Variants in GAB3 observed in about 807,000 individuals in gnomAD.
GAB3 encodes the protein GRB2-associated-binding protein 3.
Under a neutral mutation model 40.4 loss-of-function variants are expected in GAB3, and 12 were observed. The observed-to-expected ratio is 0.30, with a 90% CI of 0.19 to 0.48. The LOEUF (loss-of-function observed/expected upper bound fraction) is 0.48. GAB3 is among the 20% of genes least tolerant of loss of function. The pLI, the probability that GAB3 is intolerant of heterozygous loss-of-function variation, is 0.99. For missense variants in GAB3, 381 were observed against 461.9 expected (o/e 0.82, Z 1.61); for synonymous variants, 154 against 176.7 (o/e 0.87, Z 1.02).
At chrX:154,708,586 A>G (rs1385326705) in intron 4 of GAB3, among the ~76,000 whole-genome samples, 1 of 112,414 alleles carries the variant, frequency 8.9e-6, no homozygotes, top group Non-Finnish European at 1.9e-5. Context: ...ACATTTCTCA[A>G]ATGGCCAACA....
chrX:154,697,454 G>A (rs1346954657), intron 6 of GAB3, among the ~76,000 whole-genome samples: 2 of 111,976 alleles, frequency 1.8e-5, no homozygotes, highest in African/African-American at 6.5e-5. Context: ...AGAAGTCTCT[G>A]TATATCACGC....
intron 4 of GAB3, among the ~76,000 whole-genome samples, chrX:154,702,266 T>C (rs2070749114): frequency 8.9e-6 from 1 of 111,896 alleles, no homozygotes; most frequent in Non-Finnish European, 1.9e-5. Context: ...GGGAAAAAGA[T>C]AGGCACATAA....
At chrX:154,679,472 G>A (rs5945109) in intron 9 of GAB3, 101,344 of 193,795 alleles carry the variant, frequency 0.52, 22,390 homozygotes, top group East Asian at 0.79. Flanking sequence ...CTCATATCAG[G>A]TTTTTGGAAC....
intron 8 of GAB3, among the ~76,000 whole-genome samples, chrX:154,693,104 C>T: frequency 9.0e-6 from 1 of 111,039 alleles, no homozygotes; most frequent in Non-Finnish European, 1.9e-5. Flanking sequence ...TGTGGTCAGC[C>T]TTAAAAAGAA....
At chrX:154,744,633 G>A (rs1342228419) in intron 1 of GAB3, among the ~76,000 whole-genome samples, 2 of 112,221 alleles carry the variant, frequency 1.8e-5, no homozygotes, top group Admixed American at 9.4e-5. Flanking sequence ...GAGAGTAAAA[G>A]TGAACAGAAA....
rs1435723840 is a variant in GAB3, at chrX:154,699,183, C to A, written c.1345+111G>T. ...CACTTCTTTCCTGACCTTACACTTT[C>A]CGGCCCTCTGGGGTGGTTTCTCTAG... On this transcript the variant is annotated intron_variant, in intron 6 of 9. Coordinates refer to ENST00000424127, the MANE Select transcript of GAB3 (RefSeq NM_001081573.3). 6.6e-6 allele frequency: 4 copies of A among 604,225 alleles called. No homozygotes were observed. The East Asian group carries it at 1.3e-4, about 20-fold the overall frequency. The allele number at this position is 604,225 out of a possible 1,213,427, so 49.8% of individuals were successfully genotyped here. A position where few individuals can be genotyped will look rare whatever the true frequency, so the allele number is the denominator to read the frequency against.
chrX:154,728,364 G>A (rs1557259580), intron 1 of GAB3, among the ~76,000 whole-genome samples: 1 of 112,492 alleles, frequency 8.9e-6, no homozygotes, highest in African/African-American at 3.2e-5. Flanking sequence ...CCATGGACGT[G>A]CTTCATACTG....
Position 154,716,292 on chromosome X carries a change from C to A in GAB3, c.110G>T (p.Arg37Leu). The A allele has an allele frequency of 8.3e-7, 1 of 1,211,809 alleles. No individual in the cohort carries two copies. The highest frequency in any genetic ancestry group is 1.1e-6 in the Non-Finnish European group (1 of 895,262). ...CAAGACATCGGGGTTGCCGCTCATG[C>A]GGCCTCGCCGGAGGACAAACCAGCG... Reference protein sequence around the residue: ...RKRWFVLRRGRMSGNPDVLEY... With the variant: ...RKRWFVLRRGLMSGNPDVLEY... The change falls in exon 2 of 10, where the codon CGC (arginine) becomes CTC (leucine). Residue 37 changes from arginine (R) to leucine (L), a missense_variant. Physicochemically the swap from Arg to Leu is moderately radical, Grantham distance 102. Around this residue, in one of 2 missense-constraint regions of GAB3, gnomAD observed 364 missense variants for 421.0 expected, o/e 0.86. Transcript: ENST00000424127.
chrX:154,685,487 A>G (rs2070435207), intron 8 of GAB3, among the ~76,000 whole-genome samples: 1 of 111,793 alleles, frequency 8.9e-6, no homozygotes, highest in Admixed American at 9.5e-5. Flanking sequence ...CACCTCCAGT[A>G]ATGTTGAATA....
At chrX:154,691,648 CT>C (rs1557249446) in intron 8 of GAB3, among the ~76,000 whole-genome samples, 1 of 111,177 alleles carries the variant, frequency 9.0e-6, no homozygotes, top group Non-Finnish European at 1.9e-5. Flanking sequence ...TTCCAATGGT[CT>C]TTTTTTGCAG....
At chrX:154,712,837 A>G (rs2070976214) in intron 3 of GAB3, 136 bp from the exon 4 acceptor site, 1 of 415,907 alleles carries the variant, frequency 2.4e-6, no homozygotes, top group African/African-American at 2.5e-5. Flanking sequence ...TACAACACTC[A>G]GTTACACCAA....
At chrX:154,720,756 G>A (rs1055865973) in intron 1 of GAB3, among the ~76,000 whole-genome samples, 14 of 111,485 alleles carry the variant, frequency 1.3e-4, no homozygotes, top group Non-Finnish European at 2.1e-4. Context: ...TTTCCTCTAC[G>A]TGAACTGTCC....
intron 8 of GAB3, among the ~76,000 whole-genome samples, chrX:154,681,431 T>C (rs1177540673): frequency 1.4e-5 from 1 of 72,745 alleles, no homozygotes; most frequent in Non-Finnish European, 3.4e-5. Flanking sequence ...GTTTTGTTTT[T>C]TGGGTTTTTT....
At chrX:154,709,624 G>C (rs1359232654) in intron 4 of GAB3, among the ~76,000 whole-genome samples, 2 of 109,674 alleles carry the variant, frequency 1.8e-5, no homozygotes, top group African/African-American at 6.6e-5. Flanking sequence ...GCCTCAAATA[G>C]TTCTTTAGTC....
chrX:154,708,902 G>C (rs782554193), intron 4 of GAB3, among the ~76,000 whole-genome samples: 4 of 111,846 alleles, frequency 3.6e-5, no homozygotes, highest in Non-Finnish European at 7.5e-5. Flanking sequence ...AGAGATACTT[G>C]CCCTCCTGTG....
chrX:154,689,482 G>T (rs371396577), intron 8 of GAB3, among the ~76,000 whole-genome samples: 1 of 110,615 alleles, frequency 9.0e-6, no homozygotes, highest in African/African-American at 3.3e-5. Context: ...AATTGTCCCT[G>T]TTTGCAGACG....
intron 1 of GAB3, among the ~76,000 whole-genome samples, chrX:154,736,313 C>T (rs1259875436): frequency 8.9e-6 from 1 of 112,438 alleles, no homozygotes; most frequent in African/African-American, 3.2e-5. Flanking sequence ...GAAATAGAAT[C>T]TCACCATTTG....
chrX:154,722,196 A>G (rs782507400), intron 1 of GAB3, among the ~76,000 whole-genome samples: 9 of 111,548 alleles, frequency 8.1e-5, no homozygotes, highest in Non-Finnish European at 1.5e-4. Context: ...CAGAAAGACA[A>G]ATACTGAATG....
At chrX:154,687,558 T>TG (rs2070475455) in intron 8 of GAB3, among the ~76,000 whole-genome samples, 1 of 91,176 alleles carries the variant, frequency 1.1e-5, no homozygotes, top group Admixed American at 1.5e-4. Context: ...AGCATGAACC[T>TG]GGGGGGCGGA....
Sources: gnomAD v4.1 joint callset for allele counts (sites outside exome capture counted in the v4.1 genomes callset) on GRCh38, gnomAD v4.1.1 for gene constraint, gnomAD v4.1.1 regional missense constraint, MANE v1.5 for transcripts, NCBI Gene and HGNC (gene_info 2026-07-23, HGNC 2026-07-21) for gene names.